The following VSTM2L variants were observed in gnomAD, a reference collection of about 807,000 sequenced individuals.
The protein encoded by VSTM2L is V-set and transmembrane domain containing 2 like.
VSTM2L carries 9 observed loss-of-function variants against 19.9 expected under a neutral mutation model. The observed-to-expected ratio is 0.45, with a 90% CI of 0.27 to 0.79. The LOEUF (loss-of-function observed/expected upper bound fraction) is 0.79. VSTM2L is among the 30% of genes least tolerant of loss of function. The pLI is 0.15. For synonymous variants in VSTM2L, 127 were observed against 133.8 expected (o/e 0.95, Z 0.35); for missense variants, 286 against 295.5 (o/e 0.97, Z 0.24).
chr20:37,925,251 T>C (rs186969728), intron 1 of VSTM2L, among the ~76,000 whole-genome samples: 1 of 152,142 alleles, frequency 6.6e-6, no homozygotes, highest in African/African-American at 2.4e-5. Flanking sequence ...TCCTCTCCCA[T>C]GTGGAAGTGA....
At chr20:37,910,519 T>A (rs2072773862) in intron 1 of VSTM2L, among the ~76,000 whole-genome samples, 1 of 152,232 alleles carries the variant, frequency 6.6e-6, no homozygotes, top group African/African-American at 2.4e-5. Flanking sequence ...CAGGCTCTTT[T>A]AGCCACTGGG....
intron 3 of VSTM2L, among the ~76,000 whole-genome samples, chr20:37,939,750 C>G (rs960320144): frequency 6.6e-6 from 1 of 152,048 alleles, no homozygotes; most frequent in Non-Finnish European, 1.5e-5. Flanking sequence ...TCTGGCTGGC[C>G]CATTGTGGTA....
At chr20:37,918,609 G>C (rs62201728) in intron 1 of VSTM2L, among the ~76,000 whole-genome samples, 13,479 of 152,248 alleles carry the variant, frequency 0.089, 768 homozygotes, top group Middle Eastern at 0.19. Context: ...ATTTATTTAA[G>C]TAAAAGGGGA....
At chr20:37,939,639 G>A (rs887200584) in intron 3 of VSTM2L, among the ~76,000 whole-genome samples, 9 of 152,098 alleles carry the variant, frequency 5.9e-5, no homozygotes, top group African/African-American at 2.2e-4. Flanking sequence ...ATGTGTCCTT[G>A]CCCTTCATCC....
At chr20:37,913,302 C>T (rs1434699841) in intron 1 of VSTM2L, among the ~76,000 whole-genome samples, 1 of 152,186 alleles carries the variant, frequency 6.6e-6, no homozygotes, top group African/African-American at 2.4e-5. Flanking sequence ...TTGAGGCCCC[C>T]AAAGCCTGTC....
At chr20:37,925,078 G>GC (rs1376626991) in intron 1 of VSTM2L, among the ~76,000 whole-genome samples, 1 of 152,190 alleles carries the variant, frequency 6.6e-6, no homozygotes, top group African/African-American at 2.4e-5. Context: ...GACAATGTCT[G>GC]CATGGTGTTG....
At chr20:37,916,101 A>G (rs6123152) in intron 1 of VSTM2L, among the ~76,000 whole-genome samples, 150,672 of 152,332 alleles carry the variant, frequency 0.99, 74,517 homozygotes, top group East Asian at 1. Flanking sequence ...CCGGCAGCAG[A>G]GGATGGCTAT....
chr20:37,903,479 C>T lies in VSTM2L; in HGVS notation c.121+8C>T. Reference sequence around the variant, plus strand: ...ACCACGTCTCCGGCCACGGTGAGTTCGGTCGCCGCCCCCGCGGACTTCCCC... The same window carrying T: ...ACCACGTCTCCGGCCACGGTGAGTTTGGTCGCCGCCCCCGCGGACTTCCCC... On this transcript the variant is annotated splice_region_variant and intron_variant, in intron 1 of 3. Coordinates refer to ENST00000373461, the MANE Select transcript of VSTM2L (RefSeq NM_080607.3). 1.4e-6 allele frequency: 2 copies of T among 1,469,924 alleles called. No homozygotes were observed. Among genetic ancestry groups the T allele is most frequent in the Non-Finnish European group, 1.8e-6 (2 of 1,116,682 alleles). The allele number at this position is 1,469,924 out of a possible 1,614,324, so 91.1% of individuals were successfully genotyped here.
chr20:37,912,745 C>T (rs1029260218), intron 1 of VSTM2L, among the ~76,000 whole-genome samples: 8 of 152,156 alleles, frequency 5.3e-5, no homozygotes, highest in East Asian at 1.9e-4. Flanking sequence ...AAGCTACCAG[C>T]GAGCAGGGCA....
chr20:37,943,603 C>T (rs2072986683), intron 3 of VSTM2L, among the ~76,000 whole-genome samples: 1 of 152,118 alleles, frequency 6.6e-6, no homozygotes, highest in South Asian at 2.1e-4. Flanking sequence ...CCCGGAAGAC[C>T]CCAAAACCAG....
intron 1 of VSTM2L, among the ~76,000 whole-genome samples, chr20:37,919,361 CA>C (rs1385076691): frequency 6.6e-6 from 1 of 152,236 alleles, no homozygotes; most frequent in Non-Finnish European, 1.5e-5. Context: ...TGTCAGGGGC[CA>C]AGGGCTACCC....
chr20:37,919,139 T>C (rs534213190), intron 1 of VSTM2L, among the ~76,000 whole-genome samples: 86 of 152,270 alleles, frequency 5.6e-4, no homozygotes, highest in Non-Finnish European at 1.0e-3. Flanking sequence ...TCAGAGCTGA[T>C]CTCTTCCATT....
At chr20:37,908,914 C>T (rs1278874267) in intron 1 of VSTM2L, among the ~76,000 whole-genome samples, 3 of 152,304 alleles carry the variant, frequency 2.0e-5, no homozygotes, top group Admixed American at 6.5e-5. Flanking sequence ...TCAATTCTAA[C>T]GAGAACTCCA....
intron 3 of VSTM2L, among the ~76,000 whole-genome samples, chr20:37,937,188 T>G (rs2072945731): frequency 6.6e-6 from 1 of 152,180 alleles, no homozygotes; most frequent in Non-Finnish European, 1.5e-5. Context: ...ACCACTGCTC[T>G]CATAAGGAGA....
chr20:37,938,845 G>A (rs956641637), intron 3 of VSTM2L, among the ~76,000 whole-genome samples: 5 of 152,204 alleles, frequency 3.3e-5, no homozygotes, highest in African/African-American at 1.2e-4. Flanking sequence ...CCAACGGGCT[G>A]CTCCTGGAGT....
chr20:37,930,739 G>A (rs2072903560), intron 1 of VSTM2L, among the ~76,000 whole-genome samples: 1 of 152,094 alleles, frequency 6.6e-6, no homozygotes, highest in Non-Finnish European at 1.5e-5. Context: ...TGGAGAGCTG[G>A]GCTCTGCATG....
rs1568845738 is a variant in VSTM2L at position 37,944,243 on chromosome 20, G to T, written c.605G>T (p.Cys202Phe). The T allele has an allele frequency of 1.1e-5, 16 of 1,504,882 alleles. No homozygotes were observed. The highest frequency in any genetic ancestry group is 1.4e-5 in the African/African-American group (1 of 70,668). The allele number at this position is 1,504,882 out of a possible 1,614,324, so 93.2% of individuals were successfully genotyped here. ...AAGCGCTCGGTGGACCAGGAGGCCT[G>T]CAGCCTCTAGACTGATGCCCCTGCC... ...LRKRSVDQEA[C>F]SL Residue 202 changes from cysteine to phenylalanine, a missense_variant, in exon 4 of 4, where the codon TGC (cysteine) becomes TTC (phenylalanine). Physicochemically the swap from Cys to Phe is radical, Grantham distance 205. Transcript: ENST00000373461.
chr20:37,912,719 G>C, intron 1 of VSTM2L, among the ~76,000 whole-genome samples: 1 of 152,122 alleles, frequency 6.6e-6, no homozygotes, highest in Non-Finnish European at 1.5e-5. Context: ...GCCGGGAGAG[G>C]GGGCCTTTCT....
At chr20:37,932,504 C>A (rs2072916621) in intron 2 of VSTM2L, among the ~76,000 whole-genome samples, 1 of 152,072 alleles carries the variant, frequency 6.6e-6, no homozygotes, top group Admixed American at 6.5e-5. Flanking sequence ...CACCAATGAC[C>A]CGCAAAGTTG....
Sources: allele counts gnomAD v4.1 joint callset (sites outside exome capture counted in the v4.1 genomes callset), GRCh38; gene constraint gnomAD v4.1.1; transcripts MANE v1.5; gene names NCBI Gene and HGNC (gene_info 2026-07-23, HGNC 2026-07-21).